The following MAGI1 variants were observed in gnomAD, a reference collection of about 807,000 sequenced individuals.
MAGI1 encodes membrane-associated guanylate kinase, WW and PDZ domain-containing protein 1.
A neutral mutation model predicts 139.9 loss-of-function variants in MAGI1; 58 were observed. The ratio of observed to expected loss-of-function variants is 0.41; its 90% CI spans 0.34 to 0.52. The LOEUF (loss-of-function observed/expected upper bound fraction) is 0.52, where lower values mean the gene tolerates loss of function less well. Among genes scored for constraint, MAGI1 ranks in the 20% least tolerant of loss-of-function variants. The pLI, the probability that MAGI1 is intolerant of heterozygous loss-of-function variation, is 0.12. For synonymous variants in MAGI1, 812 were observed against 737.9 expected (o/e 1.10, Z -1.63); for missense variants, 1,874 against 1,901.6 (o/e 0.99, Z 0.27).
chr3:65,374,928 A>T (rs1942355469), intron 18 of MAGI1, among the ~76,000 whole-genome samples: 1 of 152,216 alleles, frequency 6.6e-6, no homozygotes, highest in East Asian at 1.9e-4. Flanking sequence ...ACATCCAAAA[A>T]TTAGGGAAAA....
At chr3:65,696,395 A>C (rs1244914156) in intron 1 of MAGI1, among the ~76,000 whole-genome samples, 1 of 151,928 alleles carries the variant, frequency 6.6e-6, no homozygotes, top group Non-Finnish European at 1.5e-5. Flanking sequence ...TTTATATTGG[A>C]TTTTATCCAA....
At chr3:65,759,781 T>C (rs1476185289) in intron 1 of MAGI1, among the ~76,000 whole-genome samples, 7 of 152,162 alleles carry the variant, frequency 4.6e-5, no homozygotes, top group African/African-American at 1.7e-4. Context: ...GTAAAACTGA[T>C]AGAGTCTATA....
At chr3:65,603,690 T>C (rs1339549349) in intron 2 of MAGI1, among the ~76,000 whole-genome samples, 2 of 152,238 alleles carry the variant, frequency 1.3e-5, no homozygotes, top group African/African-American at 4.8e-5. Context: ...TTCTTTGTGT[T>C]GCTATAAGAA....
intron 1 of MAGI1, among the ~76,000 whole-genome samples, chr3:65,961,123 G>A (rs1175503287): frequency 6.6e-6 from 1 of 152,196 alleles, no homozygotes; most frequent in Non-Finnish European, 1.5e-5. Flanking sequence ...AGGGATAAGA[G>A]GGGAAGGCAG....
intron 2 of MAGI1, among the ~76,000 whole-genome samples, chr3:65,594,141 A>C (rs958496737): frequency 4.6e-5 from 7 of 152,234 alleles, no homozygotes; most frequent in South Asian, 2.1e-4. Context: ...CAGCAACAGC[A>C]GCTCAAGGAC....
At chr3:65,392,348 C>A (rs1943994372) in intron 13 of MAGI1, among the ~76,000 whole-genome samples, 1 of 152,134 alleles carries the variant, frequency 6.6e-6, no homozygotes, top group Non-Finnish European at 1.5e-5. Flanking sequence ...AGGTGTTTAG[C>A]ATTCCCTATT....
rs141489381 is a variant in MAGI1, at chr3:65,451,236, TATC to T, written c.1042+2019_1042+2021del. ...CTCAGTAAAAGCTATTGCAGTATTCTATCACTTATAATATTGTATTAACAAGCA... is the reference window on the plus strand; with the variant it reads ...CTCAGTAAAAGCTATTGCAGTATTCTACTTATAATATTGTATTAACAAGCA... On this transcript the variant is annotated intron_variant, in intron 6 of 22. Coordinates refer to ENST00000402939, the MANE Select transcript of MAGI1 (RefSeq NM_001033057.2). Among the ~76,000 whole-genome samples, 611 of 152,346 alleles carry T rather than the reference TATC, an allele frequency of 4.0e-3. 34 individuals are homozygous for T. In the East Asian group the frequency reaches 0.099, roughly 25 times the overall value.
intron 13 of MAGI1, among the ~76,000 whole-genome samples, chr3:65,394,284 A>C (rs144144084): frequency 6.6e-6 from 1 of 152,190 alleles, no homozygotes; most frequent in Non-Finnish European, 1.5e-5. Context: ...TTTAGGTCCA[A>C]TTTAACACCA....
chr3:65,615,297 C>G (rs2083313285), intron 2 of MAGI1, among the ~76,000 whole-genome samples: 2 of 152,236 alleles, frequency 1.3e-5, no homozygotes, highest in African/African-American at 4.8e-5. Flanking sequence ...ATCTCAAAAC[C>G]ACTGTCTTCC....
chr3:65,833,025 G>A (rs1436254556), intron 1 of MAGI1, among the ~76,000 whole-genome samples: 1 of 152,168 alleles, frequency 6.6e-6, no homozygotes, highest in Non-Finnish European at 1.5e-5. Context: ...TGAAGTGAAT[G>A]AATGGAGCTT....
chr3:65,592,605 T>C (rs2082018351), intron 2 of MAGI1, among the ~76,000 whole-genome samples: 1 of 152,006 alleles, frequency 6.6e-6, no homozygotes, highest in Non-Finnish European at 1.5e-5. Flanking sequence ...GCATCTTCTT[T>C]GAAAGAAAAA....
rs77629611 is a variant in MAGI1, at chr3:65,965,644, G to C, written c.313+72352C>G. Among the ~76,000 whole-genome samples, 360 of 152,042 alleles carry C rather than the reference G, an allele frequency of 2.4e-3. 14 individuals carry two copies. The East Asian group carries it at 0.059, about 25-fold the overall frequency. Reference sequence around the variant, plus strand: ...ACTCAAGTGAGAAGACAAAATCTGAGGACTCTGTTTCACCCTTTTTTTTTT... The same window carrying C: ...ACTCAAGTGAGAAGACAAAATCTGACGACTCTGTTTCACCCTTTTTTTTTT... On this transcript the variant is annotated intron_variant, in intron 1 of 22. Transcript: ENST00000402939.
intron 1 of MAGI1, among the ~76,000 whole-genome samples, chr3:65,716,576 C>T (rs1189267068): frequency 1.3e-5 from 2 of 152,172 alleles, no homozygotes; most frequent in Non-Finnish European, 2.9e-5. Flanking sequence ...AAATTCCCAG[C>T]TCTTTAAAAT....
At chr3:65,961,413 G>A (rs1470582921) in intron 1 of MAGI1, among the ~76,000 whole-genome samples, 1 of 152,076 alleles carries the variant, frequency 6.6e-6, no homozygotes, top group Non-Finnish European at 1.5e-5. Context: ...ATGCAACACT[G>A]CAAAATGCAT....
intron 2 of MAGI1, among the ~76,000 whole-genome samples, chr3:65,511,222 A>G (rs1392469378): frequency 6.6e-5 from 10 of 150,606 alleles, no homozygotes; most frequent in Admixed American, 2.0e-4. Flanking sequence ...AAAGACCATC[A>G]AGACTAGGAA....
intron 1 of MAGI1, among the ~76,000 whole-genome samples, chr3:65,786,726 C>G (rs1159840852): frequency 6.6e-6 from 1 of 151,878 alleles, no homozygotes; most frequent in South Asian, 2.1e-4. Flanking sequence ...ATTCTCCTGC[C>G]TCAGCCTCCC....
chr3:65,918,567 G>A (rs896993532), intron 1 of MAGI1, among the ~76,000 whole-genome samples: 14 of 151,994 alleles, frequency 9.2e-5, no homozygotes, highest in East Asian at 1.9e-4. Flanking sequence ...TTTTAGTAGC[G>A]ATGGGGTTTC....
chr3:65,871,181 C>G (rs2059926143), intron 1 of MAGI1, among the ~76,000 whole-genome samples: 1 of 152,056 alleles, frequency 6.6e-6, no homozygotes, highest in Non-Finnish European at 1.5e-5. Context: ...AAGCAAACCA[C>G]CCTCCTCCAC....
intron 13 of MAGI1, among the ~76,000 whole-genome samples, chr3:65,398,215 G>T (rs1280089590): frequency 6.6e-6 from 1 of 152,102 alleles, no homozygotes; most frequent in African/African-American, 2.4e-5. Flanking sequence ...GCAACAGATG[G>T]ATAAATAGAA....
Sources: allele counts gnomAD v4.1 joint callset (sites outside exome capture counted in the v4.1 genomes callset), GRCh38; gene constraint gnomAD v4.1.1; transcripts MANE v1.5; gene names NCBI Gene and HGNC (gene_info 2026-07-23, HGNC 2026-07-21).